The following FANCB variants were observed in gnomAD, a reference collection of about 807,000 sequenced individuals.
FANCB encodes FA complementation group B.
Under a neutral mutation model 38.9 loss-of-function variants are expected in FANCB, and 5 were observed. That is an observed-to-expected ratio of 0.13 (90% confidence interval 0.07 to 0.27). FANCB has a LOEUF of 0.27. FANCB is among the 10% of genes least tolerant of loss of function. The pLI, the probability that FANCB is intolerant of heterozygous loss-of-function variation, is 1.00. For missense variants in FANCB, 573 were observed against 602.7 expected (o/e 0.95, Z 0.52); for synonymous variants, 236 against 215.4 (o/e 1.10, Z -0.84).
At chrX:14,702,830 C>T in the FANCB span, among the ~76,000 whole-genome samples, 340 of 111,169 alleles carry the variant, frequency 3.1e-3, 1 homozygote, top group African/African-American at 0.01. Context: ...GACAGGGTTG[C>T]GTGAAAAGGT....
the FANCB span, among the ~76,000 whole-genome samples, chrX:14,763,553 C>T: frequency 8.9e-6 from 1 of 111,980 alleles, no homozygotes; most frequent in Non-Finnish European, 1.9e-5. Context: ...TTCTAGGAAG[C>T]TTATAACTCT....
At chrX:14,747,842 G>A in the FANCB span, among the ~76,000 whole-genome samples, 1 of 112,143 alleles carries the variant, frequency 8.9e-6, no homozygotes, top group Non-Finnish European at 1.9e-5. Context: ...TTAGTTGGTT[G>A]GGGGTTTGGG....
At chrX:14,801,370 T>A in the FANCB span, among the ~76,000 whole-genome samples, 1 of 112,251 alleles carries the variant, frequency 8.9e-6, no homozygotes, top group Non-Finnish European at 1.9e-5. Flanking sequence ...TGTTTCTTGT[T>A]AGGGCCTCTG....
At chrX:14,745,084 T>G in the FANCB span, among the ~76,000 whole-genome samples, 3 of 111,877 alleles carry the variant, frequency 2.7e-5, no homozygotes, top group Admixed American at 2.8e-4. Context: ...AGGATTGAAA[T>G]GAATTAAAGC....
At chrX:14,728,927 G>C in the FANCB span, among the ~76,000 whole-genome samples, 1 of 112,004 alleles carries the variant, frequency 8.9e-6, no homozygotes, top group South Asian at 3.7e-4. Flanking sequence ...TCCCCATTTT[G>C]CACATGATCA....
At chrX:14,778,938 T>A in the FANCB span, among the ~76,000 whole-genome samples, 1 of 112,335 alleles carries the variant, frequency 8.9e-6, no homozygotes, top group African/African-American at 3.2e-5. Flanking sequence ...TGTGACTTTG[T>A]TCAGAAGATA....
chrX:14,784,041 C>A, the FANCB span, among the ~76,000 whole-genome samples: 1 of 111,589 alleles, frequency 9.0e-6, no homozygotes, highest in Non-Finnish European at 1.9e-5. Context: ...GAAACCCCAT[C>A]TCTACTAAAA....
the FANCB span, among the ~76,000 whole-genome samples, chrX:14,794,892 C>A: frequency 1.8e-5 from 2 of 112,329 alleles, no homozygotes; most frequent in African/African-American, 6.5e-5. Flanking sequence ...TGAGAAGGAC[C>A]ATAGCCACTC....
chrX:14,865,003 T>C lies in FANCB; in HGVS notation c.508A>G (p.Ile170Val), dbSNP rs138251388. Reference sequence around the variant, plus strand: ...TTTTCAATCTCCCCTGCCCACTGAATAGAGGAAAAGTTACCTGACACACTA... The same window carrying C: ...TTTTCAATCTCCCCTGCCCACTGAACAGAGGAAAAGTTACCTGACACACTA... ...VVSVSGNFSS[I>V]QWAGEIENLG... Residue 170 changes from isoleucine (I) to valine (V), a missense_variant, in exon 3 of 10, where the codon ATT becomes GTT. Ile to Val is a conservative substitution (Grantham distance 29). Transcript: ENST00000650831. 9 of 1,208,941 alleles carry C rather than the reference T, an allele frequency of 7.4e-6. No homozygotes were observed. Among genetic ancestry groups the C allele is most frequent in the Non-Finnish European group, 1.0e-5 (9 of 894,711 alleles).
At chrX:14,776,388 C>G in the FANCB span, among the ~76,000 whole-genome samples, 22 of 111,890 alleles carry the variant, frequency 2.0e-4, no homozygotes, top group Non-Finnish European at 3.8e-4. Flanking sequence ...GGGGAAAGAG[C>G]AACAGTTCAA....
At chrX:14,844,383 G>A (rs2092366548) in intron 9 of FANCB, 120 bp downstream of exon 9, 2 of 557,484 alleles carry the variant, frequency 3.6e-6, no homozygotes, top group Non-Finnish European at 6.4e-6. Context: ...GCTAGGCCAT[G>A]GCTCTGTATT....
chrX:14,802,002 C>T, the FANCB span, among the ~76,000 whole-genome samples: 2 of 111,836 alleles, frequency 1.8e-5, no homozygotes, highest in South Asian at 7.4e-4. Context: ...GATTTATCTT[C>T]CTCCCTTTGC....
chrX:14,699,099 T>C, the FANCB span, among the ~76,000 whole-genome samples: 1 of 112,263 alleles, frequency 8.9e-6, no homozygotes, highest in Admixed American at 9.4e-5. Context: ...CTGACAGAAC[T>C]GGCCAACCCC....
At chrX:14,697,084 A>G in the FANCB span, among the ~76,000 whole-genome samples, 4 of 95,629 alleles carry the variant, frequency 4.2e-5, no homozygotes, top group South Asian at 4.6e-4. Flanking sequence ...AGTCTGAACC[A>G]TGGTTAGAAA....
the FANCB span, among the ~76,000 whole-genome samples, chrX:14,810,970 G>A: frequency 8.2e-3 from 921 of 111,762 alleles, 10 homozygotes; most frequent in Non-Finnish European, 0.012. Flanking sequence ...CGGATCTCTC[G>A]GCAGAAACTC....
the FANCB span, among the ~76,000 whole-genome samples, chrX:14,786,067 T>C: frequency 8.9e-6 from 1 of 111,855 alleles, no homozygotes; most frequent in Non-Finnish European, 1.9e-5. Context: ...GGTGGAGCAC[T>C]CTGGAGCTCA....
chrX:14,796,686 CTA>C, the FANCB span, among the ~76,000 whole-genome samples: 5 of 42,993 alleles, frequency 1.2e-4, no homozygotes, highest in African/African-American at 5.3e-4. Context: ...ACACACACGT[CTA>C]TATATACACA....
the FANCB span, among the ~76,000 whole-genome samples, chrX:14,753,462 C>T: frequency 1.8e-5 from 2 of 112,425 alleles, no homozygotes; most frequent in African/African-American, 3.2e-5. Context: ...TGGCTTAAAA[C>T]AAAAATTTAT....
At chrX:14,737,167 A>G in the FANCB span, among the ~76,000 whole-genome samples, 1 of 111,494 alleles carries the variant, frequency 9.0e-6, no homozygotes, top group East Asian at 2.8e-4. Flanking sequence ...AACAAAAAAA[A>G]GCCAAGAGCA....
Sources: allele counts gnomAD v4.1 joint callset (sites outside exome capture counted in the v4.1 genomes callset), GRCh38; gene constraint gnomAD v4.1.1; transcripts MANE v1.5; gene names NCBI Gene and HGNC (gene_info 2026-07-23, HGNC 2026-07-21).